Variants in TTLL11 observed in about 807,000 individuals in gnomAD.
TTLL11 encodes the protein tubulin tyrosine ligase like 11, also known as tubulin polyglutamylase TTLL11.
TTLL11 carries 42 observed loss-of-function variants against 51.7 expected under a neutral mutation model. The observed-to-expected ratio is 0.81, with a 90% CI of 0.64 to 1.05. TTLL11 has a LOEUF of 1.05. Ranked by LOEUF, TTLL11 falls within the 50% of genes least tolerant of loss-of-function variation. The pLI, the probability that TTLL11 is intolerant of heterozygous loss-of-function variation, is 0.00. For synonymous variants in TTLL11, 381 were observed against 383.5 expected, an observed-to-expected ratio of 0.99 and a Z score of 0.08; for missense variants, 799 against 940.4, an observed-to-expected ratio of 0.85 and a Z score of 1.97.
intron 3 of TTLL11, among the ~76,000 whole-genome samples, chr9:122,015,512 G>T: frequency 6.6e-6 from 1 of 152,184 alleles, no homozygotes; most frequent in East Asian, 1.9e-4. Flanking sequence ...AGAACCCAGG[G>T]CCACTGCATC....
At chr9:122,024,869 T>C (rs899271258) in intron 3 of TTLL11, among the ~76,000 whole-genome samples, 1 of 151,560 alleles carries the variant, frequency 6.6e-6, no homozygotes, top group Non-Finnish European at 1.5e-5. Flanking sequence ...TTGGGTTAGA[T>C]ATAAATTCCT....
intron 6 of TTLL11, among the ~76,000 whole-genome samples, chr9:121,956,200 A>G (rs963121783): frequency 2.6e-5 from 4 of 152,214 alleles, no homozygotes; most frequent in African/African-American, 9.6e-5. Context: ...GACCAAATTG[A>G]AAATGCACCT....
intron 3 of TTLL11, among the ~76,000 whole-genome samples, chr9:121,994,801 C>G (rs1417986694): frequency 6.6e-6 from 1 of 152,154 alleles, no homozygotes; most frequent in Admixed American, 6.5e-5. Flanking sequence ...CAGGCTGTCA[C>G]ATAGAAAATT....
chr9:121,983,703 G>A (rs575038662), intron 4 of TTLL11, among the ~76,000 whole-genome samples: 15 of 152,250 alleles, frequency 9.9e-5, no homozygotes, highest in East Asian at 1.9e-4. Flanking sequence ...CAAAGTTAGC[G>A]ACTCCCTTTT....
chr9:121,866,659 C>A (rs1169051575), intron 7 of TTLL11, among the ~76,000 whole-genome samples: 435 of 128,970 alleles, frequency 3.4e-3, no homozygotes, highest in South Asian at 4.9e-3. Context: ...GACTCCATCT[C>A]AAAAAAAAAA....
intron 6 of TTLL11, among the ~76,000 whole-genome samples, chr9:121,895,943 TGTGTGGGTGTGGGTGTGTGG>T (rs1839498244): frequency 1.2e-4 from 3 of 25,330 alleles, no homozygotes; most frequent in Non-Finnish European, 1.9e-4. Flanking sequence ...TGGGTGTGTT[TGTGTGGGTGTGGGTGTGTGG>T]GTGTGGGTGT....
intron 6 of TTLL11, among the ~76,000 whole-genome samples, chr9:121,921,467 C>A (rs746057639): frequency 6.6e-6 from 1 of 152,158 alleles, no homozygotes; most frequent in African/African-American, 2.4e-5. Context: ...AAACTCGCCA[C>A]AGGATTCCTC....
At chr9:121,867,316 C>T (rs1372087613) in intron 7 of TTLL11, among the ~76,000 whole-genome samples, 1 of 152,124 alleles carries the variant, frequency 6.6e-6, no homozygotes, top group African/African-American at 2.4e-5. Context: ...AATATGAGCC[C>T]AGGAGCAGCC....
chr9:121,938,573 T>C (rs1158402677), intron 6 of TTLL11, among the ~76,000 whole-genome samples: 1 of 152,124 alleles, frequency 6.6e-6, no homozygotes, highest in Non-Finnish European at 1.5e-5. Context: ...ATAGAGCATT[T>C]CTACAAATAA....
In TTLL11 at chr9:122,034,163, G is replaced by A. The variant is rs80078158; in HGVS notation, c.560-2307C>T. Among the ~76,000 whole-genome samples the A allele has an allele frequency of 4.4e-4, 67 of 152,328 alleles. 1 individual carries two copies. The East Asian group carries it at 0.01, about 23-fold the overall frequency. ...GTGGTATTTTCTGCACTTTAAAGTC[G>A]TTGTGCCGGGGGAATGTTCTCTTCC... On this transcript the variant is annotated intron_variant, in intron 2 of 8. Coordinates refer to ENST00000321582, the MANE Select transcript of TTLL11 (RefSeq NM_001139442.2).
chr9:121,996,898 A>G (rs1011225918), intron 3 of TTLL11, among the ~76,000 whole-genome samples: 1 of 152,234 alleles, frequency 6.6e-6, no homozygotes, highest in Non-Finnish European at 1.5e-5. Context: ...CAGAGAGTCC[A>G]GTGAGAAATC....
At chr9:122,044,564 G>A (rs1348003165) in intron 1 of TTLL11, among the ~76,000 whole-genome samples, 1 of 152,162 alleles carries the variant, frequency 6.6e-6, no homozygotes, top group Non-Finnish European at 1.5e-5. Context: ...ACTGGTGTGA[G>A]ATGGTATCGC....
chr9:121,867,875 G>T (rs1303725266), intron 7 of TTLL11, among the ~76,000 whole-genome samples: 1 of 152,208 alleles, frequency 6.6e-6, no homozygotes, highest in Non-Finnish European at 1.5e-5. Flanking sequence ...GGCAGGCAGG[G>T]TCCCATTATT....
At chr9:121,935,514 T>C (rs962136492) in intron 6 of TTLL11, among the ~76,000 whole-genome samples, 20 of 152,244 alleles carry the variant, frequency 1.3e-4, no homozygotes, top group South Asian at 4.1e-4. Context: ...AATTTTATCT[T>C]TCTCCTGTGG....
At chr9:121,967,128 T>C (rs1248015566) in intron 6 of TTLL11, among the ~76,000 whole-genome samples, 3 of 150,800 alleles carry the variant, frequency 2.0e-5, no homozygotes, top group Admixed American at 6.6e-5. Context: ...ATTGAGAACA[T>C]TATCCCAGGC....
chr9:121,843,337 C>T (rs910547855), intron 8 of TTLL11, among the ~76,000 whole-genome samples: 1 of 152,202 alleles, frequency 6.6e-6, no homozygotes, highest in African/African-American at 2.4e-5. Context: ...TAGAGAATCA[C>T]AGCTGAGTTC....
At chr9:121,848,220 AG>A (rs1379648104) in intron 8 of TTLL11, among the ~76,000 whole-genome samples, 1 of 151,898 alleles carries the variant, frequency 6.6e-6, no homozygotes, top group African/African-American at 2.4e-5. Context: ...GGAAAAAAAA[AG>A]AAAAAAAAAA....
intron 1 of TTLL11, among the ~76,000 whole-genome samples, chr9:122,071,687 T>C (rs777936057): frequency 6.6e-6 from 1 of 152,116 alleles, no homozygotes; most frequent in Admixed American, 6.6e-5. Context: ...CAGGGACATG[T>C]CCTCTGGTCA....
At chr9:121,999,608 C>A (rs1297737173) in intron 3 of TTLL11, among the ~76,000 whole-genome samples, 1 of 152,208 alleles carries the variant, frequency 6.6e-6, no homozygotes, top group Non-Finnish European at 1.5e-5. Context: ...GACTGCAGTA[C>A]AAGCTCTGTG....
Sources: gnomAD v4.1 joint callset for allele counts (sites outside exome capture counted in the v4.1 genomes callset) on GRCh38, gnomAD v4.1.1 for gene constraint, MANE v1.5 for transcripts, NCBI Gene and HGNC (gene_info 2026-07-23, HGNC 2026-07-21) for gene names.